ATG10: variants seen among roughly 807,000 people sequenced by gnomAD.
ATG10 encodes autophagy related 10, also known as ubiquitin-like-conjugating enzyme ATG10.
Under a neutral mutation model 32.1 loss-of-function variants are expected in ATG10, and 30 were observed. That is an observed-to-expected ratio of 0.94 (90% CI 0.70 to 1.27). ATG10 has a LOEUF of 1.27. ATG10 is among the 50% of genes most tolerant of loss of function. ATG10 has a pLI of 0.00. For missense variants in ATG10, 233 were observed against 262.3 expected, an observed-to-expected ratio of 0.89 and a Z score of 0.77; for synonymous variants, 87 against 91.5, an observed-to-expected ratio of 0.95 and a Z score of 0.28.
intron 5 of ATG10, among the ~76,000 whole-genome samples, chr5:82,190,394 A>G (rs1471781828): frequency 6.6e-6 from 1 of 151,994 alleles, no homozygotes. Flanking sequence ...GAATCATACT[A>G]TGCACCCTTT....
intron 1 of ATG10, among the ~76,000 whole-genome samples, chr5:81,975,446 T>A (rs555346772): frequency 5.9e-4 from 90 of 152,196 alleles, no homozygotes; most frequent in Non-Finnish European, 1.1e-3. Context: ...TTTGGGAGGC[T>A]GAGGCAGGCA....
chr5:82,049,849 A>T (rs1446387911), intron 2 of ATG10, among the ~76,000 whole-genome samples: 2 of 152,180 alleles, frequency 1.3e-5, no homozygotes, highest in Non-Finnish European at 2.9e-5. Flanking sequence ...AGTTTTAATG[A>T]AGTTTTCTTA....
chr5:82,031,223 A>G (rs1485587), intron 2 of ATG10, among the ~76,000 whole-genome samples: 77,803 of 151,952 alleles, frequency 0.51, 20,594 homozygotes, highest in African/African-American at 0.62. Context: ...GAACCTGACA[A>G]TATTGAATGT....
chr5:82,046,621 C>T (rs1199671336), intron 2 of ATG10, among the ~76,000 whole-genome samples: 2 of 152,180 alleles, frequency 1.3e-5, no homozygotes, highest in African/African-American at 2.4e-5. Context: ...TTGTCACTTC[C>T]CCTGTTCTCT....
chr5:82,149,083 G>A (rs776652936), intron 3 of ATG10, among the ~76,000 whole-genome samples: 4 of 151,826 alleles, frequency 2.6e-5, no homozygotes, highest in Non-Finnish European at 5.9e-5. Context: ...CTCTAGTTCT[G>A]CCTCTTACTA....
At chr5:82,187,316 G>A (rs1337392328) in intron 5 of ATG10, among the ~76,000 whole-genome samples, 1 of 151,918 alleles carries the variant, frequency 6.6e-6, no homozygotes. Context: ...TTCGAGACCA[G>A]CCTGGCTAAC....
chr5:81,991,331 T>C (rs1761449258), intron 2 of ATG10, among the ~76,000 whole-genome samples: 1 of 152,208 alleles, frequency 6.6e-6, no homozygotes, highest in Non-Finnish European at 1.5e-5. Context: ...TTTTTTTAAA[T>C]TGTTGTATTG....
chr5:82,138,723 A>G (rs1040657337), intron 3 of ATG10, among the ~76,000 whole-genome samples: 9 of 152,104 alleles, frequency 5.9e-5, no homozygotes, highest in African/African-American at 9.7e-5. Context: ...AGTTAAAAAT[A>G]TTTTTGACAT....
At position 81,993,977 on chromosome 5, in the gene ATG10, C is replaced by G. The variant is rs146503988; in HGVS notation, c.108+6299C>G. 1.2e-3 allele frequency among the ~76,000 whole-genome samples: 190 copies of G among 152,218 alleles called. 2 individuals are homozygous for G. The highest frequency in any genetic ancestry group is 4.2e-3 in the African/African-American group (176 of 41,516). On this transcript the variant is annotated intron_variant, in intron 2 of 7. Coordinates refer to ENST00000282185, the MANE Select transcript of ATG10 (RefSeq NM_031482.5). ...TCTTCCTTTTTCAAGAGGAGCCTTG[C>G]CAAAATGTTTACCATCTTTTCTTTG...
chr5:82,153,690 C>A (rs1278263050), intron 3 of ATG10, among the ~76,000 whole-genome samples: 2 of 152,054 alleles, frequency 1.3e-5, no homozygotes, highest in East Asian at 3.9e-4. Flanking sequence ...ATCTCACAAA[C>A]AAAATTCATA....
rs531799694 is a variant in ATG10, at chr5:82,115,609, A to C, written c.217-48790A>C. On this transcript the variant is annotated intron_variant, in intron 3 of 7. Coordinates refer to ENST00000282185, the MANE Select transcript of ATG10 (RefSeq NM_031482.5). ...GGATTCAAATCTGTCATTTGGCTTT[A>C]AGTTTAATCAATTTTTTTGTAACAT... 4.6e-5 allele frequency among the ~76,000 whole-genome samples: 7 copies of C among 152,188 alleles called. No individual in the cohort carries two copies. The South Asian group carries it at 1.5e-3, about 32-fold the overall frequency.
intron 5 of ATG10, among the ~76,000 whole-genome samples, chr5:82,197,716 TTCTTTCTATCTATCTATCTATCTA>T (rs1432964985): frequency 1.4e-5 from 2 of 142,070 alleles, no homozygotes; most frequent in African/African-American, 5.2e-5. Context: ...CTTTCTTTCT[TTCTTTCTATCTATCTATCTATCTA>T]TCTATCTATC....
At chr5:82,219,827 T>A (rs955138828) in intron 5 of ATG10, among the ~76,000 whole-genome samples, 44 of 152,240 alleles carry the variant, frequency 2.9e-4, no homozygotes, top group African/African-American at 9.6e-4. Context: ...TAGAAGTGAT[T>A]TATTTTTTCC....
At chr5:82,052,327 C>T (rs763583746) in intron 2 of ATG10, among the ~76,000 whole-genome samples, 1 of 152,112 alleles carries the variant, frequency 6.6e-6, no homozygotes, top group African/African-American at 2.4e-5. Context: ...AGCCCTATGA[C>T]AGCTTGTACT....
At chr5:82,089,762 A>T (rs1457357191) in intron 3 of ATG10, among the ~76,000 whole-genome samples, 1 of 152,138 alleles carries the variant, frequency 6.6e-6, no homozygotes, top group Non-Finnish European at 1.5e-5. Context: ...AATCCCTCAA[A>T]CTTAAAAACT....
chr5:82,034,954 T>A, intron 2 of ATG10, among the ~76,000 whole-genome samples: 1 of 152,206 alleles, frequency 6.6e-6, no homozygotes, highest in East Asian at 1.9e-4. Context: ...AGTCTCTCTC[T>A]GTCACTTAGG....
chr5:82,088,980 T>G (rs1764787920), intron 3 of ATG10, among the ~76,000 whole-genome samples: 1 of 152,198 alleles, frequency 6.6e-6, no homozygotes. Context: ...ATTTAGAACC[T>G]TTTTTAAAGA....
At chr5:82,170,175 C>T (rs1561337779) in intron 4 of ATG10, among the ~76,000 whole-genome samples, 1 of 152,016 alleles carries the variant, frequency 6.6e-6, no homozygotes, top group Non-Finnish European at 1.5e-5. Context: ...ATTTTATTAA[C>T]CTGTAAGCGA....
chr5:82,242,888 C>A, intron 5 of ATG10: 1 of 438,894 alleles, frequency 2.3e-6, no homozygotes, highest in East Asian at 7.2e-5. Context: ...AAATGGTAAG[C>A]AAAAAGAATA....
Sources: gnomAD v4.1 joint callset for allele counts (sites outside exome capture counted in the v4.1 genomes callset) on GRCh38, gnomAD v4.1.1 for gene constraint, MANE v1.5 for transcripts, NCBI Gene and HGNC (gene_info 2026-07-23, HGNC 2026-07-21) for gene names.